FBXW4: variants seen among roughly 807,000 people sequenced by gnomAD.
FBXW4 encodes the protein F-box/WD repeat-containing protein 4.
Under a neutral mutation model 61.8 loss-of-function variants are expected in FBXW4, and 40 were observed. The observed-to-expected ratio is 0.65, with a 90% CI of 0.50 to 0.84. FBXW4 has a LOEUF of 0.84. Ranked by LOEUF, FBXW4 falls within the 40% of genes least tolerant of loss-of-function variation. FBXW4 has a pLI of 0.00. For synonymous variants in FBXW4, 311 were observed against 313.8 expected (o/e 0.99, Z 0.10); for missense variants, 672 against 753.8 (o/e 0.89, Z 1.27).
intron 5 of FBXW4, among the ~76,000 whole-genome samples, chr10:101,644,653 A>G (rs535197871): frequency 1.3e-5 from 2 of 152,278 alleles, no homozygotes; most frequent in African/African-American, 2.4e-5. Context: ...CTTCAGGGAA[A>G]AAGATTCTCC....
At position 101,651,601 on chromosome 10, in the gene FBXW4, GC is replaced by G. The variant is rs770906762; in HGVS notation, c.1235+16284del. Among the ~76,000 whole-genome samples, 405 of 152,128 alleles carry G rather than the reference GC, an allele frequency of 2.7e-3. 2 individuals are homozygous for G. The highest frequency in any genetic ancestry group is 4.1e-3 in the Non-Finnish European group (276 of 67,974). ...TTAGGGACAAAAATGGCCCTTCTCT[GC>G]CCCCCTCCTTCCCTCCCTCTATAAG... On this transcript the variant is annotated intron_variant, in intron 5 of 8. Transcript: ENST00000331272.
chr10:101,662,675 CT>C (rs1293153438), intron 5 of FBXW4, among the ~76,000 whole-genome samples: 2 of 152,022 alleles, frequency 1.3e-5, no homozygotes, highest in East Asian at 1.9e-4. Flanking sequence ...TGCTAAGCAC[CT>C]TTTTTTTCTT....
intron 5 of FBXW4, among the ~76,000 whole-genome samples, chr10:101,655,773 C>T (rs973246702): frequency 3.3e-5 from 5 of 152,192 alleles, no homozygotes; most frequent in African/African-American, 1.2e-4. Context: ...CTCTCCAGCC[C>T]GGAAGGGCCA....
intron 6 of FBXW4, among the ~76,000 whole-genome samples, chr10:101,619,735 G>A (rs1000981128): frequency 2.0e-5 from 3 of 151,974 alleles, no homozygotes; most frequent in Admixed American, 1.3e-4. Context: ...CTGTGTGCCT[G>A]TGGCTGCCTT....
intron 5 of FBXW4, chr10:101,625,092 A>T (rs10883667): frequency 0.18 from 83,471 of 465,842 alleles, 8,636 homozygotes; most frequent in Non-Finnish European, 0.22. Flanking sequence ...CCATAAAAAC[A>T]GATCTCTAGA....
At chr10:101,638,024 G>A (rs923733288) in intron 5 of FBXW4, among the ~76,000 whole-genome samples, 6 of 152,106 alleles carry the variant, frequency 3.9e-5, no homozygotes, top group East Asian at 1.9e-4. Flanking sequence ...AACCTGATAC[G>A]GTCTAACTGG....
At chr10:101,625,009 C>T (rs1589744122) in intron 5 of FBXW4, 199 bp from the exon 6 acceptor site, 1 of 636,306 alleles carries the variant, frequency 1.6e-6, no homozygotes, top group Non-Finnish European at 2.8e-6. Context: ...CCCAGTGGTG[C>T]CTGGCCAGAA....
At chr10:101,678,912 T>C (rs2064444566) in intron 1 of FBXW4, among the ~76,000 whole-genome samples, 1 of 151,942 alleles carries the variant, frequency 6.6e-6, no homozygotes, top group Non-Finnish European at 1.5e-5. Flanking sequence ...CCTGGTGTTA[T>C]TTCACTTATT....
intron 5 of FBXW4, among the ~76,000 whole-genome samples, chr10:101,649,876 C>A (rs1564914092): frequency 6.6e-6 from 1 of 152,214 alleles, no homozygotes; most frequent in Non-Finnish European, 1.5e-5. Flanking sequence ...GGCCCCCAGC[C>A]CCAGGACCAC....
rs748310097 is a variant in FBXW4 at position 101,672,960 on chromosome 10, G to A, written c.1095C>T (p.Cys365=). 1.2e-6 allele frequency: 2 copies of A among 1,613,904 alleles called. No homozygotes were observed. Among genetic ancestry groups the A allele is most frequent in the Admixed American group, 3.3e-5 (2 of 59,986 alleles). The change falls in exon 4 of 9, where the codon TGC becomes TGT. Residue 365 remains cysteine, a synonymous_variant. Transcript: ENST00000331272. The stretch of plus-strand genomic sequence containing the variant: ...AGCCACTCACAATGATGCCCCCTTT[G>A]CAATCCACACAGTTCACCTCCTGTT... ...AHEQEVNCVD[C]KGGIIVSGSR...
intron 1 of FBXW4, among the ~76,000 whole-genome samples, chr10:101,681,757 TAAC>T (rs1554934412): frequency 1.4e-5 from 2 of 145,708 alleles, no homozygotes; most frequent in African/African-American, 5.0e-5. Context: ...ATAATAATAA[TAAC>T]AGGTCTAAAG....
intron 6 of FBXW4, among the ~76,000 whole-genome samples, chr10:101,621,552 A>G (rs1054153168): frequency 8.5e-5 from 13 of 152,110 alleles, no homozygotes; most frequent in Non-Finnish European, 2.9e-5. Context: ...AGCTTCCACA[A>G]ACTCCGAGGT....
intron 5 of FBXW4, among the ~76,000 whole-genome samples, chr10:101,661,086 C>T (rs772823052): frequency 6.6e-6 from 1 of 152,218 alleles, no homozygotes; most frequent in African/African-American, 2.4e-5. Flanking sequence ...GATAGAAATG[C>T]ATCCCTGTTA....
intron 5 of FBXW4, among the ~76,000 whole-genome samples, chr10:101,635,591 T>G (rs1172028848): frequency 6.6e-6 from 1 of 151,990 alleles, no homozygotes; most frequent in Non-Finnish European, 1.5e-5. Flanking sequence ...TCTCAGCATT[T>G]TGGGAGGCCA....
At chr10:101,662,127 C>A (rs143549157) in intron 5 of FBXW4, among the ~76,000 whole-genome samples, 2 of 152,336 alleles carry the variant, frequency 1.3e-5, no homozygotes, top group East Asian at 1.9e-4. Context: ...ATCTTTCAAA[C>A]CTCTCTGTCA....
chr10:101,690,514 G>C (rs572506131), intron 1 of FBXW4, among the ~76,000 whole-genome samples: 2 of 151,966 alleles, frequency 1.3e-5, no homozygotes, highest in African/African-American at 2.4e-5. Context: ...TTCACTGTTC[G>C]GGCAAGAGGC....
At chr10:101,667,718 A>G (rs2064319155) in intron 5 of FBXW4, among the ~76,000 whole-genome samples, 168 bp downstream of exon 5, 1 of 152,236 alleles carries the variant, frequency 6.6e-6, no homozygotes, top group Non-Finnish European at 1.5e-5. Context: ...CCACGCATAT[A>G]TGAAGTGGCC....
At chr10:101,625,793 T>C (rs1391370288) in intron 5 of FBXW4, 1 of 152,256 alleles carries the variant, frequency 6.6e-6, no homozygotes, top group Non-Finnish European at 1.5e-5. Flanking sequence ...GAATGGGCCA[T>C]GTCCCTGCAT....
At chr10:101,637,868 C>T (rs1473588457) in intron 5 of FBXW4, among the ~76,000 whole-genome samples, 1 of 152,034 alleles carries the variant, frequency 6.6e-6, no homozygotes, top group African/African-American at 2.4e-5. Flanking sequence ...TCTGCAAAGT[C>T]GACCCCGTAA....
Sources: allele counts gnomAD v4.1 joint callset (sites outside exome capture counted in the v4.1 genomes callset), GRCh38; gene constraint gnomAD v4.1.1; transcripts MANE v1.5; gene names NCBI Gene and HGNC (gene_info 2026-07-23, HGNC 2026-07-21).